Variants in NEBL observed in about 807,000 individuals in gnomAD.
NEBL encodes LIM and SH3 protein 2.
NEBL carries 122 observed loss-of-function variants against 140.2 expected under a neutral mutation model. The observed-to-expected ratio is 0.87, with a 90% CI of 0.75 to 1.01. The LOEUF is 1.01. Ranked by LOEUF, NEBL falls within the 50% of genes least tolerant of loss-of-function variation. NEBL has a pLI of 0.00. For missense variants in NEBL, 1,365 were observed against 1,231.3 expected (o/e 1.11, Z -1.62); for synonymous variants, 436 against 398.9 (o/e 1.09, Z -1.11).
chr10:20,924,350 A>G (rs1265569946), intron 4 of NEBL, among the ~76,000 whole-genome samples: 1 of 139,094 alleles, frequency 7.2e-6, no homozygotes, highest in Non-Finnish European at 1.5e-5. Context: ...TTGTATCCAC[A>G]CCTTAAGTTA....
intron 4 of NEBL, among the ~76,000 whole-genome samples, chr10:20,940,956 C>G (rs966529143): frequency 4.6e-5 from 7 of 152,104 alleles, no homozygotes; most frequent in Non-Finnish European, 7.4e-5. Flanking sequence ...AGCTTACCAA[C>G]CAAAAAAAGT....
At chr10:20,838,429 C>A (rs1841102119) in intron 13 of NEBL, among the ~76,000 whole-genome samples, 1 of 152,162 alleles carries the variant, frequency 6.6e-6, no homozygotes, top group Admixed American at 6.5e-5. Flanking sequence ...CATAATCAAA[C>A]TTGAATGGAT....
Position 20,845,287 on chromosome 10 carries a change from C to T in NEBL, c.1198G>A (p.Val400Ile), listed in dbSNP as rs1436278860. 1 of 1,592,926 alleles carries T rather than the reference C, an allele frequency of 6.3e-7. No homozygotes were observed. The highest frequency in any genetic ancestry group is 8.6e-7 in the Non-Finnish European group (1 of 1,161,290). ...DLDKTPEFLH[V>I]KYITNLLREK... ...CTCAGAAGGTTGGTGATGTACTTTA[C>T]ATGTAAAAATTCTGGAGTCTTGTCT... The change falls in exon 12 of 28, where the codon GTA (valine) becomes ATA (isoleucine). Residue 400 changes from valine (V) to isoleucine (I), a missense_variant. Around this residue, in one of 2 missense-constraint regions of NEBL, gnomAD observed 1,323 missense variants for 1,154.8 expected, o/e 1.15. Coordinates refer to ENST00000377122, the MANE Select transcript of NEBL (RefSeq NM_006393.3).
At chr10:20,919,649 G>A (rs1333065672) in intron 4 of NEBL, among the ~76,000 whole-genome samples, 8 of 152,016 alleles carry the variant, frequency 5.3e-5, no homozygotes, top group Admixed American at 2.0e-4. Flanking sequence ...GCATATAATT[G>A]GATCCATTTC....
chr10:20,973,127 T>C (rs1465073712), intron 3 of NEBL, among the ~76,000 whole-genome samples: 3 of 152,224 alleles, frequency 2.0e-5, no homozygotes, highest in Non-Finnish European at 2.9e-5. Flanking sequence ...CTCCCTGCTA[T>C]GTAACAGCAG....
intron 2 of NEBL, among the ~76,000 whole-genome samples, chr10:21,037,720 G>A (rs569171116): frequency 6.6e-6 from 1 of 152,170 alleles, no homozygotes; most frequent in African/African-American, 2.4e-5. Context: ...TTTAAAAAAT[G>A]TGTGATTGTT....
intron 4 of NEBL, among the ~76,000 whole-genome samples, chr10:20,920,990 T>C (rs1053036047): frequency 1.3e-5 from 2 of 152,346 alleles, no homozygotes; most frequent in Non-Finnish European, 2.9e-5. Flanking sequence ...CAAAGAAATA[T>C]GTGTTTACCA....
At chr10:20,872,281 T>G (rs1481248793) in intron 5 of NEBL, among the ~76,000 whole-genome samples, 3 of 152,052 alleles carry the variant, frequency 2.0e-5, no homozygotes, top group Non-Finnish European at 2.9e-5. Context: ...AATATTAAGA[T>G]TGACATGAAC....
At chr10:21,189,159 G>T (rs763025302) in intron 3 of NEBL, among the ~76,000 whole-genome samples, 1 of 151,948 alleles carries the variant, frequency 6.6e-6, no homozygotes, top group Admixed American at 6.6e-5. Context: ...AGTATCTTGG[G>T]GTAAGGAGAT....
intron 4 of NEBL, among the ~76,000 whole-genome samples, chr10:20,904,596 T>C (rs1314388652): frequency 6.6e-6 from 1 of 152,222 alleles, no homozygotes; most frequent in Non-Finnish European, 1.5e-5. Context: ...GGTTTTGTTT[T>C]ATTTTCAGGT....
rs879306514 is a variant in NEBL at position 20,860,561 on chromosome 10, C to CAAAAAAAAAA, written c.685-736_685-735insTTTTTTTTTT. Among the ~76,000 whole-genome samples, 17 of 61,932 alleles carry CAAAAAAAAAA rather than the reference C, an allele frequency of 2.7e-4. 2 individuals are homozygous for CAAAAAAAAAA. The highest frequency in any genetic ancestry group is 4.7e-4 in the East Asian group (1 of 2,112). 40.6% of individuals were successfully genotyped at this position (61,932 alleles called of 152,430 possible). On this transcript the variant is annotated intron_variant, in intron 7 of 27. Coordinates refer to ENST00000377122, the MANE Select transcript of NEBL (RefSeq NM_006393.3). The stretch of plus-strand genomic sequence containing the variant: ...TTAGAATATAAACACAAGTTCACTA[C>CAAAAAAAAAA]AAAAAGAAAAAAAAAAAAAAAAAAA...
At chr10:21,227,964 A>G (rs1424950208) in intron 3 of NEBL, among the ~76,000 whole-genome samples, 3 of 152,002 alleles carry the variant, frequency 2.0e-5, no homozygotes, top group Non-Finnish European at 4.4e-5. Context: ...AGATATTTAC[A>G]TTTACATTCT....
At chr10:20,996,604 G>A (rs571389390) in intron 3 of NEBL, among the ~76,000 whole-genome samples, 10 of 152,230 alleles carry the variant, frequency 6.6e-5, no homozygotes, top group Non-Finnish European at 1.2e-4. Flanking sequence ...GAGACAAATT[G>A]AAACCCAAGT....
chr10:21,141,390 C>G (rs1383247809), intron 2 of NEBL, among the ~76,000 whole-genome samples: 1 of 151,886 alleles, frequency 6.6e-6, no homozygotes, highest in Non-Finnish European at 1.5e-5. Flanking sequence ...TCAATGGTTT[C>G]AGGAGAAAAA....
chr10:21,279,083 T>C (rs1443562073), intron 1 of NEBL, among the ~76,000 whole-genome samples: 1 of 152,138 alleles, frequency 6.6e-6, no homozygotes, highest in Non-Finnish European at 1.5e-5. Flanking sequence ...CTGTGTGGGC[T>C]GGATATTTAC....
chr10:21,285,892 G>A (rs972708591), intron 1 of NEBL, among the ~76,000 whole-genome samples: 13 of 152,102 alleles, frequency 8.5e-5, no homozygotes, highest in South Asian at 4.1e-4. Context: ...CAGCCACCCC[G>A]GACCCCACAC....
rs538180767 is a variant in NEBL, at chr10:20,856,099, TA to T, written c.903+2140del. 1.9e-3 allele frequency among the ~76,000 whole-genome samples: 291 copies of T among 152,312 alleles called. 1 individual carries two copies. Among genetic ancestry groups the T allele is most frequent in the Middle Eastern group, 6.8e-3 (2 of 294 alleles). On this transcript the variant is annotated intron_variant, in intron 9 of 27. Coordinates refer to ENST00000377122, the MANE Select transcript of NEBL (RefSeq NM_006393.3). ...AGACACTTCAAAAGGAACACATTTT[TA>T]AGTCTTTCTCTCCCAGGAAGTAGTC...
intron 2 of NEBL, among the ~76,000 whole-genome samples, chr10:21,048,449 A>AG (rs1834617473): frequency 1.1e-5 from 1 of 94,940 alleles, no homozygotes; most frequent in African/African-American, 4.0e-5. Context: ...ATAAATTTCT[A>AG]CCAAAAAAAA....
At chr10:21,253,727 A>G (rs542974921) in intron 1 of NEBL, among the ~76,000 whole-genome samples, 2 of 152,074 alleles carry the variant, frequency 1.3e-5, no homozygotes, top group South Asian at 4.1e-4. Flanking sequence ...TATTTTTAGT[A>G]GAGATGGAGT....
Sources: gnomAD v4.1 joint callset for allele counts (sites outside exome capture counted in the v4.1 genomes callset) on GRCh38, gnomAD v4.1.1 for gene constraint, gnomAD v4.1.1 regional missense constraint, MANE v1.5 for transcripts, NCBI Gene and HGNC (gene_info 2026-07-23, HGNC 2026-07-21) for gene names.